Variants in MAP3K5 observed in about 807,000 individuals in gnomAD.
The protein encoded by MAP3K5 is mitogen-activated protein kinase kinase kinase 5, also known as ASK-1.
MAP3K5 carries 56 observed loss-of-function variants against 158.7 expected under a neutral mutation model. The observed-to-expected ratio is 0.35, with a 90% CI of 0.28 to 0.44. The LOEUF is 0.44. Among genes scored for constraint, MAP3K5 ranks in the 20% least tolerant of loss-of-function variants. The probability of loss-of-function intolerance (pLI) is 1.00; values close to 1 mark genes in which losing one functional copy is unlikely to be tolerated. For missense variants in MAP3K5, 1,294 were observed against 1,674.8 expected, an observed-to-expected ratio of 0.77 and a Z score of 3.97; for synonymous variants, 579 against 601.7, an observed-to-expected ratio of 0.96 and a Z score of 0.55.
intron 1 of MAP3K5, among the ~76,000 whole-genome samples, chr6:136,749,466 G>A (rs1783100871): frequency 1.3e-5 from 2 of 151,564 alleles, no homozygotes; most frequent in South Asian, 2.1e-4. Context: ...TCTGTTGGCC[G>A]GTTTTGCTGT....
At chr6:136,579,919 G>A in intron 25 of MAP3K5, 1 of 457,050 alleles carries the variant, frequency 2.2e-6, no homozygotes, top group East Asian at 6.9e-5. Context: ...AATGCAACGA[G>A]CTATGCAATA....
At chr6:136,598,402 TGGA>T (rs929332273) in intron 21 of MAP3K5, among the ~76,000 whole-genome samples, 6 of 152,214 alleles carry the variant, frequency 3.9e-5, no homozygotes, top group African/African-American at 1.4e-4. Flanking sequence ...TATACTATGG[TGGA>T]GATGATTTTT....
At chr6:136,689,068 G>A (rs1780276058) in intron 7 of MAP3K5, among the ~76,000 whole-genome samples, 1 of 151,984 alleles carries the variant, frequency 6.6e-6, no homozygotes, top group Admixed American at 6.6e-5. Context: ...GGGAGGCTGA[G>A]GCAGGAGGAT....
At chr6:136,612,431 T>C (rs756931560) in intron 17 of MAP3K5, among the ~76,000 whole-genome samples, 1 of 152,212 alleles carries the variant, frequency 6.6e-6, no homozygotes, top group Non-Finnish European at 1.5e-5. Context: ...ACGATTTTCA[T>C]AACTTTCCAG....
chr6:136,647,437 A>G (rs970853526), intron 11 of MAP3K5, among the ~76,000 whole-genome samples: 1 of 152,180 alleles, frequency 6.6e-6, no homozygotes, highest in African/African-American at 2.4e-5. Flanking sequence ...CTTCACACCT[A>G]TGCACTTTGA....
intron 17 of MAP3K5, among the ~76,000 whole-genome samples, chr6:136,612,257 T>C (rs1035360146): frequency 6.6e-6 from 1 of 152,224 alleles, no homozygotes; most frequent in Admixed American, 6.5e-5. Context: ...AATTCTTACA[T>C]CTTGAGAAAT....
chr6:136,747,995 T>C (rs772465331), intron 1 of MAP3K5, among the ~76,000 whole-genome samples: 4 of 152,338 alleles, frequency 2.6e-5, no homozygotes, highest in African/African-American at 4.8e-5. Flanking sequence ...GAGGCCATTA[T>C]TTATTACCAT....
At chr6:136,612,861 C>A (rs1776403820) in intron 17 of MAP3K5, among the ~76,000 whole-genome samples, 1 of 152,202 alleles carries the variant, frequency 6.6e-6, no homozygotes, top group African/African-American at 2.4e-5. Context: ...CACCACAGAG[C>A]TCCTAGGAAA....
chr6:136,655,649 A>G (rs2114434095), intron 10 of MAP3K5, among the ~76,000 whole-genome samples: 1 of 152,318 alleles, frequency 6.6e-6, no homozygotes, highest in Admixed American at 6.5e-5. Context: ...GCTGGACGAT[A>G]TTAAGAACCA....
rs760961233 is a variant in MAP3K5 at position 136,656,334 on chromosome 6, C to T, written c.1653G>A (p.Lys551=). ...FWMDFLVEAT[K]TDVTVVRFPV... ...GAAACCTAACCACAGTAACATCTGTCTTTGTGGCCTCGACCAGGAAATCCA... is the reference window on the plus strand; with the variant it reads ...GAAACCTAACCACAGTAACATCTGTTTTTGTGGCCTCGACCAGGAAATCCA... Residue 551 remains lysine (K), a synonymous_variant, in exon 10 of 30, where the codon AAG becomes AAA. Coordinates refer to ENST00000359015, the MANE Select transcript of MAP3K5 (RefSeq NM_005923.4). 1.2e-6 allele frequency: 2 copies of T among 1,614,048 alleles called. No individual in the cohort carries two copies. Among genetic ancestry groups the T allele is most frequent in the South Asian group, 2.2e-5 (2 of 91,076 alleles).
chr6:136,704,990 T>C (rs901262981), intron 3 of MAP3K5, 120 bp downstream of exon 3: 10 of 546,078 alleles, frequency 1.8e-5, no homozygotes, highest in Non-Finnish European at 2.9e-5. Context: ...CATCAGAAAA[T>C]CTAAAGAGGA....
chr6:136,782,485 A>T (rs1262028588), intron 1 of MAP3K5, among the ~76,000 whole-genome samples: 1 of 152,112 alleles, frequency 6.6e-6, no homozygotes, highest in Non-Finnish European at 1.5e-5. Flanking sequence ...CGGGTGTAGA[A>T]GAGGCTACAA....
At chr6:136,611,590 C>T (rs1776349055) in intron 17 of MAP3K5, among the ~76,000 whole-genome samples, 1 of 152,212 alleles carries the variant, frequency 6.6e-6, no homozygotes, top group African/African-American at 2.4e-5. Context: ...TTGAAACCAA[C>T]CGCCTTTGCG....
chr6:136,633,935 T>C (rs2129103251), intron 14 of MAP3K5, among the ~76,000 whole-genome samples: 1 of 152,344 alleles, frequency 6.6e-6, no homozygotes, highest in East Asian at 1.9e-4. Context: ...AATTCTACCT[T>C]CAATTGAGGT....
rs756277123 is a variant in MAP3K5 at position 136,651,071 on chromosome 6, G to A, written c.1701C>T (p.Thr567=). 15 of 1,604,726 alleles carry A rather than the reference G, an allele frequency of 9.3e-6. No individual in the cohort carries two copies. The highest frequency in any genetic ancestry group is 1.7e-4 in the Middle Eastern group (1 of 6,052). The change falls in exon 11 of 30, where the codon ACC becomes ACT. Residue 567 remains threonine, a synonymous_variant. Coordinates refer to ENST00000359015, the MANE Select transcript of MAP3K5 (RefSeq NM_005923.4). ...VRFPVLILEP[T]KIYQPSYLSI... ...ACAAATAAGAAGGTTGATAGATTTT[G>A]GTTGGTTCTAATATTAATACCTTGA... is the stretch of plus-strand genomic sequence containing the variant.
chr6:136,646,531 C>A (rs953065752), intron 11 of MAP3K5, among the ~76,000 whole-genome samples: 1 of 152,142 alleles, frequency 6.6e-6, no homozygotes, highest in African/African-American at 2.4e-5. Flanking sequence ...CTTCCAAATT[C>A]TTCTGGCTCT....
intron 17 of MAP3K5, among the ~76,000 whole-genome samples, chr6:136,612,277 C>G (rs959167190): frequency 1.3e-5 from 2 of 152,206 alleles, no homozygotes; most frequent in South Asian, 2.1e-4. Flanking sequence ...TCAGCTCTAT[C>G]TGGTCAGTGG....
At chr6:136,591,538 G>A (rs117303068) in intron 23 of MAP3K5, among the ~76,000 whole-genome samples, 4 of 152,150 alleles carry the variant, frequency 2.6e-5, no homozygotes, top group Non-Finnish European at 5.9e-5. Context: ...TTAGGAGTTT[G>A]GTCATGTTTT....
intron 1 of MAP3K5, among the ~76,000 whole-genome samples, chr6:136,732,020 A>G (rs530157503): frequency 4.6e-5 from 7 of 152,284 alleles, no homozygotes; most frequent in Non-Finnish European, 7.4e-5. Flanking sequence ...TTTTAAAGGG[A>G]GTGCTAATTA....
Sources: gnomAD v4.1 joint callset for allele counts (sites outside exome capture counted in the v4.1 genomes callset) on GRCh38, gnomAD v4.1.1 for gene constraint, MANE v1.5 for transcripts, NCBI Gene and HGNC (gene_info 2026-07-23, HGNC 2026-07-21) for gene names.